ANK2: variants seen among roughly 807,000 people sequenced by gnomAD.
The protein encoded by ANK2 is ankyrin-2.
ANK2 carries 83 observed loss-of-function variants against 360.5 expected under a neutral mutation model. That is an observed-to-expected ratio of 0.23 (90% confidence interval 0.19 to 0.28). The LOEUF (loss-of-function observed/expected upper bound fraction) is 0.28. Among genes scored for constraint, ANK2 ranks in the 10% least tolerant of loss-of-function variants. The pLI is 1.00. For synonymous variants in ANK2, 1,740 were observed against 1,759.5 expected (o/e 0.99, Z 0.28); for missense variants, 4,201 against 4,795.7 (o/e 0.88, Z 3.66).
intron 2 of ANK2, among the ~76,000 whole-genome samples, chr4:113,176,467 T>C (rs935248451): frequency 4.0e-5 from 6 of 151,350 alleles, no homozygotes; most frequent in African/African-American, 9.7e-5. Context: ...TTTTATCTGA[T>C]TTTTTTTTGT....
At chr4:112,713,509 C>T in the ANK2 span, among the ~76,000 whole-genome samples, 15 of 151,910 alleles carry the variant, frequency 9.9e-5, no homozygotes, top group East Asian at 1.9e-4. Context: ...GCGGAGGTTG[C>T]GGTGAGCTGA....
intron 9 of ANK2, among the ~76,000 whole-genome samples, chr4:113,243,004 C>A (rs191724429): frequency 1.3e-5 from 2 of 152,026 alleles, no homozygotes; most frequent in Non-Finnish European, 2.9e-5. Context: ...TATTATTTAC[C>A]ATTTTTGAAA....
In ANK2 at chr4:113,311,287, T is replaced by C; in HGVS notation, c.2581T>C (p.Tyr861His). 6.2e-7 allele frequency: 1 copy of C among 1,614,102 alleles called. No individual in the cohort carries two copies. The highest frequency in any genetic ancestry group is 8.5e-7 in the Non-Finnish European group (1 of 1,180,012). The part of the protein sequence containing the change: ...DDTMTGDGGE[Y>H]LRPEDLKELG... Reference sequence around the variant, plus strand: ...CACAATGACTGGTGATGGGGGAGAATACCTTAGGCCTGAGGACCTAAAAGA... The same window carrying C: ...CACAATGACTGGTGATGGGGGAGAACACCTTAGGCCTGAGGACCTAAAAGA... Residue 861 changes from tyrosine to histidine, a missense_variant, in exon 24 of 46, where the codon TAC (tyrosine) becomes CAC (histidine). Around this residue, in one of 4 missense-constraint regions of ANK2, gnomAD observed 1,268 missense variants for 1,650.8 expected, o/e 0.77. Coordinates refer to ENST00000357077, the MANE Select transcript of ANK2 (RefSeq NM_001148.6).
chr4:112,767,529 C>T, the ANK2 span, among the ~76,000 whole-genome samples: 1 of 151,324 alleles, frequency 6.6e-6, no homozygotes, highest in East Asian at 1.9e-4. Flanking sequence ...TCACTGCACT[C>T]CAGCCTGGCA....
the ANK2 span, among the ~76,000 whole-genome samples, chr4:112,731,181 C>G: frequency 2.7e-5 from 4 of 150,252 alleles, no homozygotes; most frequent in Admixed American, 2.7e-4. Context: ...GTCCCAGCTA[C>G]TTGGGAGACC....
the ANK2 span, among the ~76,000 whole-genome samples, chr4:112,771,138 G>A: frequency 6.6e-6 from 1 of 152,168 alleles, no homozygotes; most frequent in Non-Finnish European, 1.5e-5. Context: ...TCACGATGGA[G>A]TTTCACTCTT....
In ANK2 at chr4:113,358,465, T is replaced by C; in HGVS notation, c.9847T>C (p.Ser3283Pro). Residue 3283 changes from serine (S) to proline (P), a missense_variant, in exon 38 of 46, where the codon TCA (serine) becomes CCA (proline). Around this residue, in one of 4 missense-constraint regions of ANK2, gnomAD observed 2,642 missense variants for 2,714.5 expected, o/e 0.97. Transcript: ENST00000357077. ...SPDSSPEEQK[S>P]VIEIPTAPME... ...CGATTCTTCCCCAGAAGAACAGAAA[T>C]CAGTAATCGAGATTCCTACTGCACC... 6.2e-7 allele frequency: 1 copy of C among 1,614,092 alleles called. No individual in the cohort carries two copies. Among genetic ancestry groups the C allele is most frequent in the Non-Finnish European group, 8.5e-7 (1 of 1,179,970 alleles).
intron 1 of ANK2, among the ~76,000 whole-genome samples, chr4:112,863,514 CTTTTTTT>C (rs952398354): frequency 2.8e-5 from 3 of 107,038 alleles, no homozygotes; most frequent in East Asian, 2.7e-4. Context: ...TTTAGAGTAT[CTTTTTTT>C]TTTTTTTTTT....
intron 1 of ANK2, among the ~76,000 whole-genome samples, chr4:113,100,607 C>G (rs751706093): frequency 2.0e-5 from 3 of 152,070 alleles, no homozygotes; most frequent in Non-Finnish European, 4.4e-5. Flanking sequence ...ACTGTACAAT[C>G]TAGTGATCAT....
At chr4:113,227,177 C>A (rs1186223640) in intron 4 of ANK2, among the ~76,000 whole-genome samples, 1 of 152,110 alleles carries the variant, frequency 6.6e-6, no homozygotes, top group Non-Finnish European at 1.5e-5. Context: ...TTGTTAAATA[C>A]CAGTAAGTTA....
At chr4:112,914,196 G>T (rs1016665405) in intron 2 of ANK2, among the ~76,000 whole-genome samples, 2 of 152,090 alleles carry the variant, frequency 1.3e-5, no homozygotes, top group African/African-American at 4.8e-5. Context: ...TGTAATTTAC[G>T]TATCTAAATA....
intron 2 of ANK2, among the ~76,000 whole-genome samples, chr4:112,964,372 C>T (rs765482171): frequency 2.0e-5 from 3 of 151,178 alleles, no homozygotes; most frequent in Non-Finnish European, 2.9e-5. Flanking sequence ...TACTCTCTGT[C>T]TCCATGAGTT....
intron 1 of ANK2, among the ~76,000 whole-genome samples, chr4:113,158,400 A>G (rs1199917720): frequency 6.6e-6 from 1 of 152,218 alleles, no homozygotes; most frequent in Non-Finnish European, 1.5e-5. Flanking sequence ...AATCTTTGTC[A>G]TGACTACATT....
At chr4:113,066,922 A>T (rs1022867034) in intron 1 of ANK2, among the ~76,000 whole-genome samples, 2 of 152,118 alleles carry the variant, frequency 1.3e-5, no homozygotes, top group African/African-American at 4.8e-5. Context: ...GCTAGCATAC[A>T]TAAAGTGCTT....
chr4:112,767,566 C>CAATAAATAAATAAATAAATAAATAAATA, the ANK2 span, among the ~76,000 whole-genome samples: 2 of 144,718 alleles, frequency 1.4e-5, no homozygotes, highest in African/African-American at 5.1e-5. Context: ...GACCCTGTCT[C>CAATAAATAAATAAATAAATAAATAAATA]AATAAATAAA....
intron 2 of ANK2, among the ~76,000 whole-genome samples, chr4:113,194,385 T>C (rs1187885802): frequency 6.6e-6 from 1 of 152,158 alleles, no homozygotes; most frequent in African/African-American, 2.4e-5. Flanking sequence ...CTGTTCTACC[T>C]GGGGTCATCC....
At position 113,147,985 on chromosome 4, in the gene ANK2, A is replaced by ATGAC. The variant is rs200402428; in HGVS notation, c.85-26428_85-26425dup. ...TATTTTTCCATGTTCATGTATGCAG[A>ATGAC]TGACTGGTGGGTGTATTCCAAGTTC... On this transcript the variant is annotated intron_variant, in intron 1 of 45. Coordinates refer to ENST00000357077, the MANE Select transcript of ANK2 (RefSeq NM_001148.6). Among the ~76,000 whole-genome samples, 197 of 152,318 alleles carry ATGAC rather than the reference A, an allele frequency of 1.3e-3. 5 individuals are homozygous for ATGAC. The East Asian group carries it at 0.036, about 28-fold the overall frequency.
intron 1 of ANK2, among the ~76,000 whole-genome samples, chr4:113,156,902 A>G (rs1432907697): frequency 2.0e-5 from 3 of 151,746 alleles, no homozygotes; most frequent in African/African-American, 7.2e-5. Flanking sequence ...AGATTTGTCT[A>G]CTTCCATTAC....
At chr4:113,021,306 G>A (rs1360602877) in intron 2 of ANK2, among the ~76,000 whole-genome samples, 3 of 151,840 alleles carry the variant, frequency 2.0e-5, no homozygotes, top group Admixed American at 6.6e-5. Context: ...CAGCTAGGTC[G>A]TTAGTGTGAG....
Sources: gnomAD v4.1 joint callset for allele counts (sites outside exome capture counted in the v4.1 genomes callset) on GRCh38, gnomAD v4.1.1 for gene constraint, gnomAD v4.1.1 regional missense constraint, MANE v1.5 for transcripts, NCBI Gene and HGNC (gene_info 2026-07-23, HGNC 2026-07-21) for gene names.